The following TBC1D16 variants were observed in gnomAD, a reference collection of about 807,000 sequenced individuals.
TBC1D16 encodes the protein CTD-2529O21.1.
A neutral mutation model predicts 74.7 loss-of-function variants in TBC1D16; 58 were observed. That is an observed-to-expected ratio of 0.78 (90% CI 0.63 to 0.97). The LOEUF is 0.97. TBC1D16 is among the 50% of genes least tolerant of loss of function. The probability of loss-of-function intolerance (pLI) is 0.00; values close to 1 mark genes in which losing one functional copy is unlikely to be tolerated. For synonymous variants in TBC1D16, 493 were observed against 474.7 expected (o/e 1.04, Z -0.50); for missense variants, 1,014 against 1,079.5 (o/e 0.94, Z 0.85).
At chr17:80,033,290 G>A (rs1257313157) in intron 1 of TBC1D16, among the ~76,000 whole-genome samples, 1 of 152,140 alleles carries the variant, frequency 6.6e-6, no homozygotes, top group East Asian at 1.9e-4. Context: ...TAGTATAGAT[G>A]GGGAAATTAA....
rs972262859 is a variant in TBC1D16 at position 79,947,746 on chromosome 17, C to T, written c.1627G>A (p.Glu543Lys). Residue 543 changes from glutamate to lysine, a missense_variant, in exon 9 of 12, where the codon GAG becomes AAG. Coordinates refer to ENST00000310924, the MANE Select transcript of TBC1D16 (RefSeq NM_019020.4). Reference sequence around the variant, plus strand: ...AAGGTGTCTGACTCATCCAGGACCTCGGCCAAGATGGGCGCCACCAGGTCC... The same window carrying T: ...AAGGTGTCTGACTCATCCAGGACCTTGGCCAAGATGGGCGCCACCAGGTCC... ...MSDLVAPILA[E>K]VLDESDTFWC... 7.4e-6 allele frequency: 12 copies of T among 1,613,924 alleles called. No individual in the cohort carries two copies. The highest frequency in any genetic ancestry group is 5.0e-5 in the Admixed American group (3 of 60,012).
chr17:80,010,456 C>T lies in TBC1D16; in HGVS notation c.483G>A (p.Glu161=). Residue 161 remains glutamate, a synonymous_variant, in exon 3 of 12, where the codon GAG becomes GAA. Transcript: ENST00000310924. The surrounding 1 kb of genome is among the most constrained non-coding windows in gnomAD (Gnocchi z 8.8). ...CCCCCAAGCCCTGCGCCAGCTTCTC[C>T]TCATCCTCTGGCGCAGGGCTGGCGA... ...RMLASPAPED[E]EKLAQGLGVD... 1 of 1,609,598 alleles carries T rather than the reference C, an allele frequency of 6.2e-7. No homozygotes were observed. Among genetic ancestry groups the T allele is most frequent in the Non-Finnish European group, 8.5e-7 (1 of 1,178,208 alleles).
chr17:79,943,737 T>C (rs1253788707), intron 10 of TBC1D16: 4 of 954,610 alleles, frequency 4.2e-6, no homozygotes, highest in Non-Finnish European at 5.2e-6. Flanking sequence ...TCTGACTAGA[T>C]CTCATTACAC....
In TBC1D16 at chr17:79,981,713, C is replaced by A. The variant is rs2034590298; in HGVS notation, c.779+28447G>T. Among the ~76,000 whole-genome samples, 1 of 152,238 alleles carries A rather than the reference C, an allele frequency of 6.6e-6. No homozygotes were observed. On this transcript the variant is annotated intron_variant, in intron 3 of 11. Transcript: ENST00000310924. This position sits in a 1 kb window ranked among gnomAD's most constrained non-coding sequence, Gnocchi z 6.9. ...CACACCGGAGGCAAGGGACGCGCCA[C>A]CCTCGGAGCGGCTCCCTCGGCTCTT...
chr17:80,008,908 G>A lies in TBC1D16; in HGVS notation c.779+1252C>T, dbSNP rs1303084987. ...TTACTTCATGCCCCACCACTCCCCGGCTTAATCGGCCTGGGGTGACCTTTT... is the reference window on the plus strand; with the variant it reads ...TTACTTCATGCCCCACCACTCCCCGACTTAATCGGCCTGGGGTGACCTTTT... On this transcript the variant is annotated intron_variant, in intron 3 of 11. Transcript: ENST00000310924. This position sits in a 1 kb window ranked among gnomAD's most constrained non-coding sequence, Gnocchi z 4.5. Among the ~76,000 whole-genome samples the A allele has an allele frequency of 6.6e-6, 1 of 152,182 alleles. No individual in the cohort carries two copies. Among genetic ancestry groups the A allele is most frequent in the East Asian group, 1.9e-4 (1 of 5,194 alleles).
intron 2 of TBC1D16, 115 bp downstream of exon 2, chr17:80,013,252 T>C (rs1212666564): frequency 3.9e-6 from 4 of 1,030,288 alleles, no homozygotes. Flanking sequence ...TAGTTACACG[T>C]TCTGGAAGAG....
intron 4 of TBC1D16, 132 bp downstream of exon 4, chr17:79,952,525 G>C: frequency 8.6e-7 from 1 of 1,160,132 alleles, no homozygotes; most frequent in Non-Finnish European, 1.2e-6. Context: ...AGGGAGGAAA[G>C]CAGACGCTTG....
chr17:80,010,857 T>C lies in TBC1D16; in HGVS notation c.182-100A>G, dbSNP rs1031658347. 6 of 830,418 alleles carry C rather than the reference T, an allele frequency of 7.2e-6. No homozygotes were observed. The African/African-American group carries it at 8.7e-5, about 12-fold the overall frequency. The allele number at this position is 830,418 out of a possible 1,614,324, so 51.4% of individuals were successfully genotyped here. On this transcript the variant is annotated intron_variant, in intron 2 of 11. Coordinates refer to ENST00000310924, the MANE Select transcript of TBC1D16 (RefSeq NM_019020.4). The surrounding 1 kb of genome is among the most constrained non-coding windows in gnomAD (Gnocchi z 8.8). ...GCTGCTCGGAGAGGCCACTGCCCTT[T>C]AGTAAAGTGCCAGTCCGGCCTCAGA...
At chr17:80,011,575 C>T (rs1304564750) in intron 2 of TBC1D16, among the ~76,000 whole-genome samples, 2 of 152,122 alleles carry the variant, frequency 1.3e-5, no homozygotes, top group Non-Finnish European at 2.9e-5. Flanking sequence ...GCCTGTAATC[C>T]CAGCACTTTG....
intron 1 of TBC1D16, among the ~76,000 whole-genome samples, chr17:80,033,821 G>A (rs1247316512): frequency 1.3e-5 from 2 of 152,244 alleles, no homozygotes; most frequent in Non-Finnish European, 2.9e-5. Flanking sequence ...CCATACTGAA[G>A]TGAACTGAGA....
intron 3 of TBC1D16, among the ~76,000 whole-genome samples, chr17:79,978,760 G>C (rs971561676): frequency 4.6e-5 from 7 of 152,228 alleles, no homozygotes; most frequent in Admixed American, 3.9e-4. Flanking sequence ...AAGGGCTGGA[G>C]ACTCTGATGG....
chr17:80,002,509 C>A (rs1318741339), intron 3 of TBC1D16, among the ~76,000 whole-genome samples: 1 of 152,198 alleles, frequency 6.6e-6, no homozygotes. Flanking sequence ...CTTGTGCCAT[C>A]GCCCCCATGA....
rs897527480 is a variant in TBC1D16, at chr17:79,988,586, G to A, written c.779+21574C>T. ...GGTCCTGGTGAACGCACGTGCCTGC[G>A]TTCTGTACCAAACAGTTGTCAACAC... is the stretch of plus-strand genomic sequence containing the variant. On this transcript the variant is annotated intron_variant, in intron 3 of 11. Transcript: ENST00000310924. The surrounding 1 kb of genome is among the most constrained non-coding windows in gnomAD (Gnocchi z 5.7). Among the ~76,000 whole-genome samples the A allele has an allele frequency of 1.4e-4, 21 of 152,182 alleles. No homozygotes were observed. The highest frequency in any genetic ancestry group is 4.8e-4 in the African/African-American group (20 of 41,442).
In TBC1D16 at chr17:80,010,730, T is replaced by C. The variant is rs2035860461; in HGVS notation, c.209A>G (p.Asp70Gly). The C allele has an allele frequency of 6.7e-7, 1 of 1,502,198 alleles. No individual in the cohort carries two copies. The highest frequency in any genetic ancestry group is 2.5e-5 in the Admixed American group (1 of 40,812). The allele number at this position is 1,502,198 out of a possible 1,614,324, so 93.1% of individuals were successfully genotyped here. A position where few individuals can be genotyped will look rare whatever the true frequency, so the allele number is the denominator to read the frequency against. Residue 70 changes from aspartate to glycine, a missense_variant, in exon 3 of 12, where the codon GAT becomes GGT. Asp to Gly is a moderately conservative substitution (Grantham distance 94). Transcript: ENST00000310924. This position sits in a 1 kb window ranked among gnomAD's most constrained non-coding sequence, Gnocchi z 8.8. ...GATGAGGGTGGCTCCCAGCATCTCA[T>C]CCTTCTCCATGTACAAGCACAGGTA... The part of the protein sequence containing the change: ...PGYLCLYMEK[D>G]EMLGATLILA...
In TBC1D16 at chr17:80,013,413, G is replaced by A. The variant is rs143518993; in HGVS notation, c.135C>T (p.Cys45=). 1.4e-4 allele frequency: 218 copies of A among 1,608,520 alleles called. No homozygotes were observed. The highest frequency in any genetic ancestry group is 1.7e-4 in the Non-Finnish European group (206 of 1,177,944). Residue 45 remains cysteine, a synonymous_variant, in exon 2 of 12, where the codon TGC becomes TGT. Coordinates refer to ENST00000310924, the MANE Select transcript of TBC1D16 (RefSeq NM_019020.4). ...GEIIYSKNNV[C]VHPPEGLQGL... is the part of the protein sequence containing the mutation. ...CCTGCAGCCCCTCCGGCGGGTGCAC[G>A]CAGACATTGTTCTTGGAGTAGATGA...
chr17:79,960,736 C>T (rs2033556869), intron 3 of TBC1D16, among the ~76,000 whole-genome samples: 1 of 120,916 alleles, frequency 8.3e-6, no homozygotes. Context: ...GCCCGAGCGA[C>T]AGAGTGAGAC....
rs2031600219 is a variant in TBC1D16 at position 79,936,538 on chromosome 17, CAGA to C, written c.*4318_*4320del. On this transcript the variant is annotated 3_prime_UTR_variant, in exon 12 of 12. Coordinates refer to ENST00000310924, the MANE Select transcript of TBC1D16 (RefSeq NM_019020.4). Reference sequence around the variant, plus strand: ...GTGAGGAAACTGAGGCTGAAGGAGGCAGAAGGCCACATACCCGGGGAGAATCGC... The same window carrying C: ...GTGAGGAAACTGAGGCTGAAGGAGGCAGGCCACATACCCGGGGAGAATCGC... The C allele has an allele frequency of 6.6e-6, 1 of 152,370 alleles. No individual in the cohort carries two copies. Among genetic ancestry groups the C allele is most frequent in the Non-Finnish European group, 1.5e-5 (1 of 68,196 alleles). The allele number at this position is 152,370 out of a possible 1,614,324, so 9.4% of individuals were successfully genotyped here. A position where few individuals can be genotyped will look rare whatever the true frequency, so the allele number is the denominator to read the frequency against.
chr17:79,942,225 T>C lies in TBC1D16; in HGVS notation c.1909-19A>G, dbSNP rs1598310188. On this transcript the variant is annotated intron_variant, in intron 10 of 11. Coordinates refer to ENST00000310924, the MANE Select transcript of TBC1D16 (RefSeq NM_019020.4). ...AGTCCGTCTGTGGAGGCGGGTAGAG[T>C]TCAGACACGGGCTCTGACCGAGCCC... 1 of 1,571,466 alleles carries C rather than the reference T, an allele frequency of 6.4e-7. No individual in the cohort carries two copies. The highest frequency in any genetic ancestry group is 1.4e-5 in the African/African-American group (1 of 73,310).
At position 79,983,508 on chromosome 17, in the gene TBC1D16, T is replaced by C. The variant is rs1382089952; in HGVS notation, c.779+26652A>G. Among the ~76,000 whole-genome samples the C allele has an allele frequency of 6.6e-6, 1 of 152,168 alleles. No homozygotes were observed. The highest frequency in any genetic ancestry group is 1.5e-5 in the Non-Finnish European group (1 of 68,032). ...CAGCCATGGAGACAGTGTCCCCCTA[T>C]TGGAGTGAGCACCCGCAGCACCTCA... is the stretch of plus-strand genomic sequence containing the variant. On this transcript the variant is annotated intron_variant, in intron 3 of 11. Transcript: ENST00000310924. This position sits in a 1 kb window ranked among gnomAD's most constrained non-coding sequence, Gnocchi z 5.6.
Sources: allele counts gnomAD v4.1 joint callset (sites outside exome capture counted in the v4.1 genomes callset), GRCh38; gene constraint gnomAD v4.1.1; non-coding constraint Gnocchi (gnomAD v3.1); transcripts MANE v1.5; gene names NCBI Gene and HGNC (gene_info 2026-07-23, HGNC 2026-07-21).